Variants in TNR observed in about 807,000 individuals in gnomAD.
TNR encodes the protein tenascin R, also known as tenascin-R.
A neutral mutation model predicts 150.4 loss-of-function variants in TNR; 45 were observed. The observed-to-expected ratio is 0.30, with a 90% CI of 0.24 to 0.38. The LOEUF is 0.38. Among genes scored for constraint, TNR ranks in the 10% least tolerant of loss-of-function variants. The pLI is 1.00. For synonymous variants in TNR, 687 were observed against 678.4 expected (o/e 1.01, Z -0.20); for missense variants, 1,544 against 1,759.1 (o/e 0.88, Z 2.19).
At chr1:175,419,427 C>T (rs747148338) in intron 2 of TNR, among the ~76,000 whole-genome samples, 4 of 152,094 alleles carry the variant, frequency 2.6e-5, no homozygotes, top group Admixed American at 1.3e-4. Context: ...TCCCAAAGTT[C>T]GTGTGGGATC....
chr1:175,595,536 G>A (rs997341126), intron 1 of TNR, among the ~76,000 whole-genome samples: 4 of 152,138 alleles, frequency 2.6e-5, no homozygotes, highest in Non-Finnish European at 4.4e-5. Flanking sequence ...GGGTAAAATC[G>A]GTATACTTTT....
chr1:175,356,251 C>T (rs1651320417), intron 16 of TNR, 68 bp downstream of exon 16: 2 of 1,590,866 alleles, frequency 1.3e-6, no homozygotes, highest in Admixed American at 1.7e-5. Flanking sequence ...TCTAGTCCAC[C>T]ACAAGAAAGC....
At chr1:175,449,483 T>C (rs1656209330) in intron 2 of TNR, among the ~76,000 whole-genome samples, 1 of 152,198 alleles carries the variant, frequency 6.6e-6, no homozygotes, top group Non-Finnish European at 1.5e-5. Context: ...TTCTTGAATA[T>C]ATTCAGTGGT....
At chr1:175,595,859 A>G (rs1207282692) in intron 1 of TNR, among the ~76,000 whole-genome samples, 1 of 152,212 alleles carries the variant, frequency 6.6e-6, no homozygotes, top group Non-Finnish European at 1.5e-5. Context: ...TCTCTCATTT[A>G]TTACTCATAA....
intron 1 of TNR, among the ~76,000 whole-genome samples, chr1:175,604,809 C>T (rs1393578560): frequency 2.0e-5 from 3 of 152,312 alleles, no homozygotes; most frequent in Non-Finnish European, 4.4e-5. Flanking sequence ...CATTCTGTCA[C>T]CCTTTGCCGC....
chr1:175,663,694 T>C (rs1665447701), intron 1 of TNR, among the ~76,000 whole-genome samples: 1 of 152,224 alleles, frequency 6.6e-6, no homozygotes, highest in Non-Finnish European at 1.5e-5. Context: ...ATCTCAAGCC[T>C]GGCTCTCACC....
intron 22 of TNR, 113 bp from the exon 23 acceptor site, chr1:175,323,589 C>T: frequency 2.1e-6 from 3 of 1,444,242 alleles, no homozygotes; most frequent in Non-Finnish European, 2.8e-6. Context: ...TAGCTATTTT[C>T]AGCTAACATG....
At chr1:175,462,709 A>G (rs1228788517) in intron 2 of TNR, among the ~76,000 whole-genome samples, 1 of 152,206 alleles carries the variant, frequency 6.6e-6, no homozygotes, top group Non-Finnish European at 1.5e-5. Flanking sequence ...TTGTTGCCTT[A>G]AAACTTAGTT....
intron 8 of TNR, among the ~76,000 whole-genome samples, chr1:175,380,029 A>T (rs1265332780): frequency 6.6e-6 from 1 of 152,206 alleles, no homozygotes; most frequent in Admixed American, 6.5e-5. Flanking sequence ...AGTCAACATC[A>T]TAAGCTTAAA....
At chr1:175,372,043 T>C (rs985115224) in intron 9 of TNR, among the ~76,000 whole-genome samples, 1 of 152,138 alleles carries the variant, frequency 6.6e-6, no homozygotes, top group Non-Finnish European at 1.5e-5. Flanking sequence ...GTCCTCCAGA[T>C]AGTGAGTGAG....
intron 2 of TNR, among the ~76,000 whole-genome samples, chr1:175,505,328 G>A (rs1433296018): frequency 6.6e-6 from 1 of 152,244 alleles, no homozygotes; most frequent in Non-Finnish European, 1.5e-5. Flanking sequence ...GGCAGGAGCG[G>A]GACTGACGGG....
At chr1:175,659,670 A>T (rs1402995693) in intron 1 of TNR, among the ~76,000 whole-genome samples, 1 of 152,146 alleles carries the variant, frequency 6.6e-6, no homozygotes, top group Non-Finnish European at 1.5e-5. Flanking sequence ...CCAGCCATCA[A>T]ATGGGAAGAA....
intron 1 of TNR, among the ~76,000 whole-genome samples, chr1:175,535,521 C>G (rs924675480): frequency 6.6e-6 from 1 of 151,826 alleles, no homozygotes; most frequent in African/African-American, 2.4e-5. Flanking sequence ...AGTGCAGTGG[C>G]GCGATCTCGG....
intron 1 of TNR, among the ~76,000 whole-genome samples, chr1:175,685,605 C>A (rs1334724947): frequency 6.6e-6 from 1 of 152,110 alleles, no homozygotes; most frequent in Non-Finnish European, 1.5e-5. Flanking sequence ...TGTGTCTTGG[C>A]TTGGTTCAAT....
intron 2 of TNR, among the ~76,000 whole-genome samples, chr1:175,508,095 C>T (rs1301275308): frequency 1.3e-5 from 2 of 151,932 alleles, no homozygotes; most frequent in African/African-American, 4.8e-5. Flanking sequence ...AAAGATCACA[C>T]AGGAGGGTCT....
At chr1:175,452,811 A>G (rs1656385547) in intron 2 of TNR, among the ~76,000 whole-genome samples, 1 of 152,238 alleles carries the variant, frequency 6.6e-6, no homozygotes, top group African/African-American at 2.4e-5. Flanking sequence ...TCAAATGTCC[A>G]TTGAGGGATA....
At chr1:175,329,755 G>A (rs1649624067) in intron 21 of TNR, among the ~76,000 whole-genome samples, 1 of 152,164 alleles carries the variant, frequency 6.6e-6, no homozygotes. Flanking sequence ...TCTTCACATT[G>A]CATCTTTTTT....
In TNR at chr1:175,322,648, G is replaced by A. The variant is rs998148795; in HGVS notation, c.*709C>T. On this transcript the variant is annotated 3_prime_UTR_variant, in exon 23 of 23. Coordinates refer to ENST00000367674, the MANE Select transcript of TNR (RefSeq NM_003285.3). ...AAAAGAAAAATCAGCCAGGTATGGT[G>A]GCTCATGCCTGTAGTCCCAGCTACT... is the stretch of plus-strand genomic sequence containing the variant. The A allele has an allele frequency of 3.3e-5, 5 of 152,354 alleles. No individual in the cohort carries two copies. The highest frequency in any genetic ancestry group is 1.2e-4 in the African/African-American group (5 of 41,442). 9.4% of individuals were successfully genotyped at this position (152,354 alleles called of 1,614,324 possible). A position where few individuals can be genotyped will look rare whatever the true frequency, so the allele number is the denominator to read the frequency against.
chr1:175,362,872 A>C, intron 13 of TNR, 63 bp from the exon 14 acceptor site: 1 of 1,601,326 alleles, frequency 6.2e-7, no homozygotes, highest in Non-Finnish European at 8.5e-7. Context: ...AGCCCATGGT[A>C]CAGTCTATGT....
Sources: gnomAD v4.1 joint callset for allele counts (sites outside exome capture counted in the v4.1 genomes callset) on GRCh38, gnomAD v4.1.1 for gene constraint, MANE v1.5 for transcripts, NCBI Gene and HGNC (gene_info 2026-07-23, HGNC 2026-07-21) for gene names.